Variants in MPND observed in about 807,000 individuals in gnomAD.
MPND encodes the protein MPN domain-containing protein.
Under a neutral mutation model 59.2 loss-of-function variants are expected in MPND, and 56 were observed. The observed-to-expected ratio is 0.95, with a 90% confidence interval of 0.76 to 1.18. MPND has a LOEUF of 1.18. Ranked by LOEUF, MPND falls within the 50% of genes most tolerant of loss-of-function variation. The probability of loss-of-function intolerance (pLI) is 0.00; values close to 1 mark genes in which losing one functional copy is unlikely to be tolerated. For synonymous variants in MPND, 323 were observed against 291.9 expected (o/e 1.11, Z -1.09); for missense variants, 671 against 676.0 (o/e 0.99, Z 0.08).
In MPND at chr19:4,352,922, AG is replaced by A; in HGVS notation, c.559del (p.Glu187SerfsTer3). On this transcript the variant is annotated frameshift_variant, in exon 4 of 13. Transcript: ENST00000599840. LOFTEE classifies it high-confidence loss of function. ...DESPASEGEE[E>X]ELLMEEEEED... ...AGCCCAGCCAGTGAAGGGGAGGAGG[AG>A]GAGTTGCTGATGGAAGAGGAGGAGG... 7.1e-7 allele frequency: 1 copy of A among 1,398,770 alleles called. No homozygotes were observed. Among genetic ancestry groups the A allele is most frequent in the East Asian group, 2.7e-5 (1 of 36,562 alleles). The allele number at this position is 1,398,770 out of a possible 1,614,324, so 86.6% of individuals were successfully genotyped here.
Position 4,345,890 on chromosome 19 carries a change from C to T in MPND, c.440C>T (p.Ser147Phe). The T allele has an allele frequency of 6.2e-7, 1 of 1,613,988 alleles. No homozygotes were observed. The highest frequency in any genetic ancestry group is 1.7e-5 in the Admixed American group (1 of 60,022). The change falls in exon 3 of 13, where the codon TCT (serine) becomes TTT (phenylalanine). Residue 147 changes from serine to phenylalanine, a missense_variant. Ser to Phe is a radical substitution (Grantham distance 155). Coordinates refer to ENST00000599840, the MANE Select transcript of MPND (RefSeq NM_001300862.2). ...AAGAAGTCGGGCTGTGGCTGGGCCT[C>T]TGTCAAGTACAAAGGCCAGAAACTG... ...PAKKSGCGWA[S>F]VKYKGQKLDK...
chr19:4,359,975 G>C lies in MPND; in HGVS notation c.1479G>C (p.Val493=), dbSNP rs560126021. Residue 493 remains valine (V), a synonymous_variant, in exon 13 of 13, where the codon GTG becomes GTC. Transcript: ENST00000599840. Reference sequence around the variant, plus strand: ...GCCTGTGTCACGTCCTGGAACAGGTGTGCGGCGTCCTCAAGCAGGGGAGCT... The same window carrying C: ...GCCTGTGTCACGTCCTGGAACAGGTCTGCGGCGTCCTCAAGCAGGGGAGCT... The part of the protein sequence containing the change: ...DQSLCHVLEQ[V]CGVLKQGS 1 of 1,570,546 alleles carries C rather than the reference G, an allele frequency of 6.4e-7. No individual in the cohort carries two copies. The highest frequency in any genetic ancestry group is 1.8e-5 in the Admixed American group (1 of 54,744).
At position 4,354,418 on chromosome 19, in the gene MPND, C is replaced by G. The variant is rs771183123; in HGVS notation, c.844C>G (p.Leu282Val). 88 of 1,554,824 alleles carry G rather than the reference C, an allele frequency of 5.7e-5. No individual in the cohort carries two copies. The highest frequency in any genetic ancestry group is 1.7e-4 in the Middle Eastern group (1 of 6,010). The part of the protein sequence containing the change: ...VAVSSNVLFL[L>V]DFHSHLTRSE... ...TGTTTCTAGCAACGTGCTGTTCCTG[C>G]TGGTGTGTGGCCCACCCTGTCTAGG... Residue 282 changes from leucine (L) to valine (V), a missense_variant and splice_region_variant, in exon 6 of 13, where the codon CTG becomes GTG. By Grantham distance (32) the Leu-to-Val change is conservative. Coordinates refer to ENST00000599840, the MANE Select transcript of MPND (RefSeq NM_001300862.2).
At chr19:4,348,537 G>C (rs1972241352) in intron 3 of MPND, 1 of 152,066 alleles carries the variant, frequency 6.6e-6, no homozygotes, top group South Asian at 2.1e-4. Flanking sequence ...GAGATTATAG[G>C]CGTGAGCCAT....
At position 4,359,946 on chromosome 19, in the gene MPND, CA is replaced by C; in HGVS notation, c.1451del (p.Gln484ArgfsTer?). The C allele has an allele frequency of 1.3e-6, 2 of 1,575,246 alleles. No homozygotes were observed. The highest frequency in any genetic ancestry group is 1.7e-6 in the Non-Finnish European group (2 of 1,160,088). The part of the protein sequence containing the change: ...ISLASRTPKD[Q>X]SLCHVLEQVC... The stretch of plus-strand genomic sequence containing the variant: ...CTTGGCCAGCAGGACGCCCAAGGAC[CA>C]GAGCCTGTGTCACGTCCTGGAACAG... On this transcript the variant is annotated frameshift_variant, in exon 13 of 13. Transcript: ENST00000599840. LOFTEE classifies it high-confidence loss of function.
intron 3 of MPND, chr19:4,348,708 A>G: frequency 6.6e-6 from 1 of 151,324 alleles, no homozygotes; most frequent in Non-Finnish European, 1.5e-5. Context: ...CCCAGGCTGG[A>G]ATGCAGTGGT....
chr19:4,359,819 G>C (rs1474162798), intron 12 of MPND, 97 bp from the exon 13 acceptor site: 2 of 946,368 alleles, frequency 2.1e-6, no homozygotes, highest in Non-Finnish European at 3.2e-6. Flanking sequence ...GTCTCAGGGG[G>C]GCTCAGTCAG....
At chr19:4,356,586 A>G (rs1741991011) in intron 8 of MPND, 3 of 152,026 alleles carry the variant, frequency 2.0e-5, no homozygotes, top group Admixed American at 2.0e-4. Flanking sequence ...TTGAATGCTC[A>G]GTGCCAGGCC....
chr19:4,351,990 T>C (rs1482893795), intron 3 of MPND, among the ~76,000 whole-genome samples: 1 of 150,798 alleles, frequency 6.6e-6, no homozygotes, highest in African/African-American at 2.4e-5. Context: ...CTGGCCAACA[T>C]GGCAAAACCT....
chr19:4,346,889 G>C (rs896631592), intron 3 of MPND, among the ~76,000 whole-genome samples: 1 of 151,962 alleles, frequency 6.6e-6, no homozygotes, highest in Non-Finnish European at 1.5e-5. Flanking sequence ...AATTAGCCAG[G>C]CGTGGTGGTG....
intron 3 of MPND, chr19:4,347,808 AGTCAGTC>A (rs1272745577): frequency 2.6e-6 from 1 of 386,722 alleles, no homozygotes; most frequent in African/African-American, 2.1e-5. Context: ...GATCCTCCTT[AGTCAGTC>A]CAGTGTCTAC....
chr19:4,344,885 C>T (rs1399809350), intron 2 of MPND, among the ~76,000 whole-genome samples: 16 of 149,488 alleles, frequency 1.1e-4, no homozygotes, highest in Admixed American at 4.0e-4. Context: ...TACAGGTATG[C>T]GCCACCACGC....
chr19:4,357,565 T>G lies in MPND; in HGVS notation c.1216T>G (p.Trp406Gly). 2.5e-6 allele frequency: 4 copies of G among 1,612,994 alleles called. No homozygotes were observed. The highest frequency in any genetic ancestry group is 3.4e-6 in the Non-Finnish European group (4 of 1,179,532). Residue 406 changes from tryptophan (W) to glycine (G), a missense_variant, in exon 10 of 13, where the codon TGG (tryptophan) becomes GGG (glycine). Coordinates refer to ENST00000599840, the MANE Select transcript of MPND (RefSeq NM_001300862.2). ...CCCCGAGTCCAAGATCTCACCTTTCTGGGTGATGCCTCCTCCCGAGGTAGG... is the reference window on the plus strand; with the variant it reads ...CCCCGAGTCCAAGATCTCACCTTTCGGGGTGATGCCTCCTCCCGAGGTAGG... ...PGPESKISPF[W>G]VMPPPEQRPS...
intron 8 of MPND, among the ~76,000 whole-genome samples, chr19:4,356,265 A>G (rs1043722175): frequency 6.6e-6 from 1 of 152,048 alleles, no homozygotes; most frequent in African/African-American, 2.4e-5. Flanking sequence ...ATGAAAGGCC[A>G]TCAGATCCAG....
At chr19:4,352,841 C>G (rs11668187) in intron 3 of MPND, 56 bp from the exon 4 acceptor site, 704,140 of 1,295,606 alleles carry the variant, frequency 0.54, 192,229 homozygotes, top group East Asian at 0.73. Flanking sequence ...TAGCAGGGAG[C>G]GGGGGGGCAC....
Position 4,359,152 on chromosome 19 carries a change from C to A in MPND, c.1327-11C>A. On this transcript the variant is annotated splice_polypyrimidine_tract_variant and intron_variant, in intron 11 of 12. Coordinates refer to ENST00000599840, the MANE Select transcript of MPND (RefSeq NM_001300862.2). ...AGGGAGCCTGGGAGTCCATGCTCCT[C>A]TGTCCTGTAGATGCTGCTGGTGGAG... 6.2e-7 allele frequency: 1 copy of A among 1,607,322 alleles called. No individual in the cohort carries two copies. Among genetic ancestry groups the A allele is most frequent in the Middle Eastern group, 1.7e-4 (1 of 6,036 alleles).
chr19:4,359,120 G>T, intron 11 of MPND, 43 bp from the exon 12 acceptor site: 2 of 1,457,954 alleles, frequency 1.4e-6, no homozygotes, highest in Non-Finnish European at 1.9e-6. Context: ...AGGTACCTCA[G>T]GCTTGGAGGG....
In MPND at chr19:4,343,987, A is replaced by G. The variant is rs1399688891; in HGVS notation, c.287A>G (p.Tyr96Cys). 8.1e-6 allele frequency: 11 copies of G among 1,359,574 alleles called. No homozygotes were observed. The highest frequency in any genetic ancestry group is 6.6e-5 in the Admixed American group (2 of 30,508). 84.2% of individuals were successfully genotyped at this position (1,359,574 alleles called of 1,614,324 possible). A position where few individuals can be genotyped will look rare whatever the true frequency, so the allele number is the denominator to read the frequency against. ...CCTGGCGCCGGGGTGCTGTCCATCT[A>G]CTACCTGGTGAGCACCCCGCCTCCC... ...LEPGAGVLSI[Y>C]YLGKKFLGDL... The change falls in exon 2 of 13, where the codon TAC (tyrosine) becomes TGC (cysteine). Residue 96 changes from tyrosine to cysteine, a missense_variant. By Grantham distance (194) the Tyr-to-Cys change is radical. Coordinates refer to ENST00000599840, the MANE Select transcript of MPND (RefSeq NM_001300862.2).
intron 3 of MPND, among the ~76,000 whole-genome samples, chr19:4,352,376 A>G (rs56828298): frequency 2.0e-4 from 31 of 152,000 alleles, no homozygotes; most frequent in Non-Finnish European, 8.8e-5. Context: ...AAGGTTGCGC[A>G]GGGCTTGTAT....
Sources: gnomAD v4.1 joint callset for allele counts (sites outside exome capture counted in the v4.1 genomes callset) on GRCh38, gnomAD v4.1.1 for gene constraint, MANE v1.5 for transcripts, NCBI Gene and HGNC (gene_info 2026-07-23, HGNC 2026-07-21) for gene names.